The following ARPC3 variants were observed in gnomAD, a reference collection of about 807,000 sequenced individuals.
ARPC3 encodes actin-related protein 2/3 complex subunit 3.
A neutral mutation model predicts 27.6 loss-of-function variants in ARPC3; 12 were observed. That is an observed-to-expected ratio of 0.43 (90% CI 0.28 to 0.70). The LOEUF is 0.70. Ranked by LOEUF, ARPC3 falls within the 30% of genes least tolerant of loss-of-function variation. The pLI, the probability that ARPC3 is intolerant of heterozygous loss-of-function variation, is 0.17. For missense variants in ARPC3, 153 were observed against 207.7 expected, an observed-to-expected ratio of 0.74 and a Z score of 1.62; for synonymous variants, 53 against 67.2, an observed-to-expected ratio of 0.79 and a Z score of 1.03.
At chr12:110,442,153 C>A (rs1051534839) in intron 2 of ARPC3, among the ~76,000 whole-genome samples, 2 of 152,062 alleles carry the variant, frequency 1.3e-5, no homozygotes, top group African/African-American at 4.8e-5. Context: ...CAGGCATAAG[C>A]CACAGCACCA....
At chr12:110,437,597 A>C (rs948951017) in intron 3 of ARPC3, among the ~76,000 whole-genome samples, 1 of 152,034 alleles carries the variant, frequency 6.6e-6, no homozygotes, top group Admixed American at 6.6e-5. Context: ...CGAACTCCTG[A>C]CCTCAAGTGA....
At chr12:110,439,672 A>G (rs2062425437) in intron 3 of ARPC3, among the ~76,000 whole-genome samples, 1 of 152,192 alleles carries the variant, frequency 6.6e-6, no homozygotes, top group Non-Finnish European at 1.5e-5. Context: ...GTCTCTACTA[A>G]AAATACAAAA....
At chr12:110,440,697 C>A (rs1215839706) in intron 2 of ARPC3, among the ~76,000 whole-genome samples, 1 of 150,570 alleles carries the variant, frequency 6.6e-6, no homozygotes, top group Non-Finnish European at 1.5e-5. Context: ...CAGGCACCTG[C>A]CACCACACCC....
intron 6 of ARPC3, among the ~76,000 whole-genome samples, chr12:110,435,472 G>A (rs1360958520): frequency 1.3e-5 from 2 of 152,082 alleles, no homozygotes; most frequent in African/African-American, 4.8e-5. Context: ...TGGGACTACA[G>A]GCGCCTGCCA....
intron 2 of ARPC3, among the ~76,000 whole-genome samples, chr12:110,444,548 G>A (rs1021770540): frequency 6.6e-6 from 1 of 152,148 alleles, no homozygotes; most frequent in African/African-American, 2.4e-5. Flanking sequence ...GCCTTCCAAA[G>A]TGCTGGGATT....
chr12:110,436,390 C>T, intron 5 of ARPC3, 167 bp downstream of exon 5: 1 of 1,287,636 alleles, frequency 7.8e-7, no homozygotes, highest in Non-Finnish European at 1.1e-6. Context: ...TGCATGTCAT[C>T]CTTGTTGCCA....
intron 1 of ARPC3, among the ~76,000 whole-genome samples, chr12:110,445,753 AGCTG>A (rs1247897027): frequency 5.9e-5 from 9 of 152,346 alleles, no homozygotes; most frequent in African/African-American, 2.2e-4. Context: ...GCATTTTTCA[AGCTG>A]GTTGTTAAAC....
chr12:110,444,686 C>G (rs1164717973), intron 2 of ARPC3, among the ~76,000 whole-genome samples: 3 of 152,098 alleles, frequency 2.0e-5, no homozygotes, highest in Admixed American at 6.6e-5. Context: ...TCACCATATG[C>G]ATTAAGTTTA....
intron 2 of ARPC3, chr12:110,442,741 T>C (rs1050646817): frequency 6.6e-6 from 1 of 152,148 alleles, no homozygotes. Context: ...CAGATACACA[T>C]CTTTCTTTTT....
chr12:110,448,857 C>CCT (rs1317080693), intron 1 of ARPC3, among the ~76,000 whole-genome samples: 1 of 146,412 alleles, frequency 6.8e-6, no homozygotes, highest in African/African-American at 2.5e-5. Flanking sequence ...CTCACTGCAA[C>CCT]CTCCGCCTCC....
At position 110,435,027 on chromosome 12, in the gene ARPC3, T is replaced by G; in HGVS notation, c.*128A>C. ...TCCCACCCAAATTCTTGATCAAGAG[T>G]TTTTCAAGTAAAGACATGCTCTTCT... On this transcript the variant is annotated 3_prime_UTR_variant, in exon 7 of 7. Transcript: ENST00000228825. The G allele has an allele frequency of 1.3e-6, 1 of 787,538 alleles. No individual in the cohort carries two copies. Among genetic ancestry groups the G allele is most frequent in the Non-Finnish European group, 2.2e-6 (1 of 449,124 alleles). 48.8% of individuals were successfully genotyped at this position (787,538 alleles called of 1,614,324 possible).
intron 1 of ARPC3, among the ~76,000 whole-genome samples, chr12:110,445,895 G>A (rs1010865969): frequency 2.0e-5 from 3 of 152,126 alleles, no homozygotes; most frequent in Non-Finnish European, 4.4e-5. Flanking sequence ...CCTGAGCTCA[G>A]GAGTTTGCAA....
chr12:110,439,545 T>C (rs562372577), intron 3 of ARPC3, among the ~76,000 whole-genome samples: 1 of 152,104 alleles, frequency 6.6e-6, no homozygotes, highest in African/African-American at 2.4e-5. Context: ...TGAAATTCCA[T>C]TTTAGGGCCG....
At chr12:110,440,757 A>G (rs2062431670) in intron 2 of ARPC3, among the ~76,000 whole-genome samples, 1 of 151,094 alleles carries the variant, frequency 6.6e-6, no homozygotes, top group Non-Finnish European at 1.5e-5. Context: ...CATGTTAGCC[A>G]GGATGGTCTT....
rs149241462 is a variant in ARPC3, at chr12:110,447,512, C to T, written c.7-1961G>A. 3.3e-3 allele frequency among the ~76,000 whole-genome samples: 499 copies of T among 152,266 alleles called. 4 individuals are homozygous for T. The highest frequency in any genetic ancestry group is 0.011 in the African/African-American group (476 of 41,556). On this transcript the variant is annotated intron_variant, in intron 1 of 6. Transcript: ENST00000228825. ...AGGATGGGATGGGCGGGGTGGCTCA[C>T]GCCTGTAATCCAAACACTTTGGGAG...
rs749233857 is a variant in ARPC3 at position 110,435,451 on chromosome 12, TC to T, written c.475-235del. Among the ~76,000 whole-genome samples, 105 of 151,760 alleles carry T rather than the reference TC, an allele frequency of 6.9e-4. 1 individual carries two copies. Among genetic ancestry groups the T allele is most frequent in the Admixed American group, 3.9e-4 (6 of 15,190 alleles). On this transcript the variant is annotated intron_variant, in intron 6 of 6. Coordinates refer to ENST00000228825, the MANE Select transcript of ARPC3 (RefSeq NM_001278556.2). ...TTCATGCCATTCTCCTGCCTTAGCC[TC>T]CCCAGTAGCTGGGACTACAGGCGCC...
At chr12:110,445,969 C>T (rs1334636050) in intron 1 of ARPC3, among the ~76,000 whole-genome samples, 3 of 151,726 alleles carry the variant, frequency 2.0e-5, no homozygotes, top group East Asian at 2.0e-4. Flanking sequence ...CCAGGCGTGG[C>T]GGCGTGCGCC....
intron 4 of ARPC3, 34 bp from the exon 5 acceptor site, chr12:110,436,717 C>CAT (rs757007589): frequency 3.0e-5 from 21 of 691,152 alleles, no homozygotes; most frequent in Non-Finnish European, 3.6e-5. Context: ...TATATACACA[C>CAT]ACACACACAC....
chr12:110,443,440 T>C (rs2135502649), intron 2 of ARPC3, among the ~76,000 whole-genome samples: 1 of 151,540 alleles, frequency 6.6e-6, no homozygotes, highest in Non-Finnish European at 1.5e-5. Context: ...TTTTTATTTA[T>C]TTATTTTTTC....
Sources: gnomAD v4.1 joint callset for allele counts (sites outside exome capture counted in the v4.1 genomes callset) on GRCh38, gnomAD v4.1.1 for gene constraint, MANE v1.5 for transcripts, NCBI Gene and HGNC (gene_info 2026-07-23, HGNC 2026-07-21) for gene names.